Variants in NEDD1 observed in about 807,000 individuals in gnomAD.
NEDD1 encodes the protein protein NEDD1.
NEDD1 carries 33 observed loss-of-function variants against 74.0 expected under a neutral mutation model. That is an observed-to-expected ratio of 0.45 (90% CI 0.34 to 0.60). The LOEUF is 0.60. Among genes scored for constraint, NEDD1 ranks in the 20% least tolerant of loss-of-function variants. The pLI is 0.01. For synonymous variants in NEDD1, 250 were observed against 264.4 expected (o/e 0.95, Z 0.53); for missense variants, 746 against 776.5 (o/e 0.96, Z 0.47).
chr12:96,931,579 A>C (rs1013514361), intron 6 of NEDD1, among the ~76,000 whole-genome samples: 2 of 152,194 alleles, frequency 1.3e-5, no homozygotes, highest in Non-Finnish European at 2.9e-5. Flanking sequence ...ATGAATTACA[A>C]TTTTTTTCAT....
chr12:96,920,437 T>C (rs532297296), intron 6 of NEDD1, among the ~76,000 whole-genome samples: 4 of 152,308 alleles, frequency 2.6e-5, no homozygotes, highest in South Asian at 2.1e-4. Context: ...ATTACTGTTA[T>C]AGAAATGTGT....
intron 6 of NEDD1, among the ~76,000 whole-genome samples, chr12:96,926,420 G>T (rs1162822674): frequency 6.6e-6 from 1 of 152,022 alleles, no homozygotes; most frequent in Admixed American, 6.6e-5. Flanking sequence ...AGAATACATG[G>T]GCTAGGAAAT....
intron 6 of NEDD1, among the ~76,000 whole-genome samples, chr12:96,923,743 ATC>A (rs1249234602): frequency 6.6e-6 from 1 of 151,086 alleles, no homozygotes; most frequent in Admixed American, 6.6e-5. Context: ...TGTTGCAAAT[ATC>A]TTCCTTCAGC....
At chr12:96,928,718 G>T (rs1266580308) in intron 6 of NEDD1, among the ~76,000 whole-genome samples, 3 of 122,302 alleles carry the variant, frequency 2.5e-5, no homozygotes, top group African/African-American at 9.6e-5. Flanking sequence ...GCAGAGTTTC[G>T]CTCTGTCACC....
chr12:96,912,994 T>C (rs1318815264), intron 4 of NEDD1, among the ~76,000 whole-genome samples, 177 bp downstream of exon 4: 1 of 152,182 alleles, frequency 6.6e-6, no homozygotes, highest in East Asian at 1.9e-4. Context: ...CTAAAGTATT[T>C]TTAGGTAAAA....
rs1592846018 is a variant in NEDD1, at chr12:96,907,828, C to A, written c.-37C>A. 2.1e-6 allele frequency: 3 copies of A among 1,428,694 alleles called. No homozygotes were observed. The highest frequency in any genetic ancestry group is 5.2e-5 in the Admixed American group (2 of 38,234). 88.5% of individuals were successfully genotyped at this position (1,428,694 alleles called of 1,614,324 possible). On this transcript the variant is annotated 5_prime_UTR_variant, in exon 2 of 16. Coordinates refer to ENST00000266742, the MANE Select transcript of NEDD1 (RefSeq NM_152905.4). ...TTGAGGGACTCATGTAAAGTCTCTCCCTTAATGCTCAGTTCTTAGAAGACC... is the reference window on the plus strand; with the variant it reads ...TTGAGGGACTCATGTAAAGTCTCTCACTTAATGCTCAGTTCTTAGAAGACC...
chr12:96,913,933 G>T (rs1874183038), intron 4 of NEDD1, among the ~76,000 whole-genome samples: 1 of 152,114 alleles, frequency 6.6e-6, no homozygotes, highest in Non-Finnish European at 1.5e-5. Flanking sequence ...CTGAATAAAA[G>T]CTCAACTAAT....
At chr12:96,951,145 C>T (rs75319164) in intron 14 of NEDD1, among the ~76,000 whole-genome samples, 1,531 of 151,850 alleles carry the variant, frequency 0.01, 69 homozygotes, top group East Asian at 0.095. Context: ...GGTTGTGTGA[C>T]TTTGAACAAG....
intron 14 of NEDD1, among the ~76,000 whole-genome samples, chr12:96,948,250 T>C (rs990328538): frequency 9.2e-5 from 14 of 152,122 alleles, no homozygotes; most frequent in Non-Finnish European, 1.0e-4. Context: ...TTGTCCCTAC[T>C]TTTTTTACAT....
At chr12:96,947,864 G>C (rs2136624855) in intron 14 of NEDD1, among the ~76,000 whole-genome samples, 1 of 152,312 alleles carries the variant, frequency 6.6e-6, no homozygotes, top group South Asian at 2.1e-4. Flanking sequence ...TGGTTTTGCT[G>C]CCCTGTGCTG....
chr12:96,941,352 G>A (rs941141733), intron 10 of NEDD1, among the ~76,000 whole-genome samples: 1 of 151,978 alleles, frequency 6.6e-6, no homozygotes, highest in African/African-American at 2.4e-5. Flanking sequence ...TTTTCCAAAT[G>A]TTCTACAATT....
chr12:96,922,749 A>T (rs1339588673), intron 6 of NEDD1, among the ~76,000 whole-genome samples: 1 of 152,230 alleles, frequency 6.6e-6, no homozygotes, highest in African/African-American at 2.4e-5. Context: ...AACAAAATCA[A>T]GATATAGAAC....
At chr12:96,938,182 GT>G (rs1313876936) in intron 9 of NEDD1, among the ~76,000 whole-genome samples, 22 of 151,566 alleles carry the variant, frequency 1.5e-4, no homozygotes, top group African/African-American at 4.1e-4. Context: ...ACTTTAATTT[GT>G]TGATCTTGAT....
intron 6 of NEDD1, among the ~76,000 whole-genome samples, chr12:96,932,463 A>AAAAAAAAATATATATAT: frequency 1.1e-4 from 1 of 9,436 alleles, no homozygotes; most frequent in African/African-American, 3.4e-4. Context: ...AAAAAAAAAA[A>AAAAAAAAATATATATAT]ATATATATAT....
chr12:96,919,432 A>G (rs1246049588), intron 5 of NEDD1, among the ~76,000 whole-genome samples: 1 of 152,206 alleles, frequency 6.6e-6, no homozygotes. Context: ...AGCTCCCAGC[A>G]CTAGTAGGTT....
At chr12:96,934,689 C>T (rs1876904331) in intron 6 of NEDD1, among the ~76,000 whole-genome samples, 1 of 152,030 alleles carries the variant, frequency 6.6e-6, no homozygotes, top group Non-Finnish European at 1.5e-5. Flanking sequence ...AGGCGCCTGC[C>T]ACCATGCCCA....
At chr12:96,948,013 TGCCTAGGTGTTCATCA>T (rs1327364851) in intron 14 of NEDD1, among the ~76,000 whole-genome samples, 7 of 152,296 alleles carry the variant, frequency 4.6e-5, no homozygotes, top group African/African-American at 1.7e-4. Flanking sequence ...TTTTGCCATT[TGCCTAGGTGTTCATCA>T]GACTAGGTGT....
chr12:96,946,384 A>G (rs1486302987), intron 14 of NEDD1, among the ~76,000 whole-genome samples: 1 of 152,014 alleles, frequency 6.6e-6, no homozygotes, highest in African/African-American at 2.4e-5. Flanking sequence ...TTATCATCTC[A>G]ATATTTTTGG....
At chr12:96,921,138 C>T (rs1875036684) in intron 6 of NEDD1, among the ~76,000 whole-genome samples, 1 of 152,038 alleles carries the variant, frequency 6.6e-6, no homozygotes, top group African/African-American at 2.4e-5. Context: ...GCCTCTTTGC[C>T]AATTATTTGT....
Sources: allele counts gnomAD v4.1 joint callset (sites outside exome capture counted in the v4.1 genomes callset), GRCh38; gene constraint gnomAD v4.1.1; transcripts MANE v1.5; gene names NCBI Gene and HGNC (gene_info 2026-07-23, HGNC 2026-07-21).